Variants in UTP18 observed in about 807,000 individuals in gnomAD.
UTP18 encodes the protein U3 small nucleolar RNA-associated protein 18 homolog.
In UTP18, 36 loss-of-function variants were observed where a neutral mutation model predicts 61.1. The ratio of observed to expected loss-of-function variants is 0.59; its 90% CI spans 0.45 to 0.78. UTP18 has a LOEUF of 0.78. Ranked by LOEUF, UTP18 falls within the 30% of genes least tolerant of loss-of-function variation. The pLI, the probability that UTP18 is intolerant of heterozygous loss-of-function variation, is 0.00. For synonymous variants in UTP18, 282 were observed against 251.1 expected (o/e 1.12, Z -1.16); for missense variants, 753 against 693.9 (o/e 1.09, Z -0.96).
At chr17:51,291,208 A>G (rs1289837930) in intron 11 of UTP18, among the ~76,000 whole-genome samples, 1 of 152,208 alleles carries the variant, frequency 6.6e-6, no homozygotes, top group Non-Finnish European at 1.5e-5. Flanking sequence ...TTGGATCTTT[A>G]TAGGCATTTT....
chr17:51,275,783 C>G, intron 5 of UTP18, 83 bp from the exon 6 acceptor site: 1 of 1,088,270 alleles, frequency 9.2e-7, no homozygotes, highest in Non-Finnish European at 1.2e-6. Context: ...TCATTATAAA[C>G]TGTAATGTCT....
At chr17:51,292,757 A>G (rs374575166) in intron 11 of UTP18, among the ~76,000 whole-genome samples, 2 of 152,344 alleles carry the variant, frequency 1.3e-5, no homozygotes, top group East Asian at 1.9e-4. Flanking sequence ...AAATTGGGTG[A>G]GGACCTGTCT....
At chr17:51,288,322 A>G (rs188217433) in intron 11 of UTP18, 119 bp downstream of exon 11, 1 of 1,016,142 alleles carries the variant, frequency 9.8e-7, no homozygotes, top group African/African-American at 1.6e-5. Context: ...CTTTTGATAT[A>G]GGAATTATTA....
rs983816872 is a variant in UTP18 at position 51,277,170 on chromosome 17, T to G, written c.878T>G (p.Leu293Trp). 2 of 1,614,074 alleles carry G rather than the reference T, an allele frequency of 1.2e-6. No homozygotes were observed. The highest frequency in any genetic ancestry group is 2.7e-5 in the African/African-American group (2 of 74,936). ...KTNPKIQSIY[L>W]ERFPIFKACF... ...AATCCTAAAATTCAGAGCATCTATT[T>G]GGAAAGGTTTCCAATCTTTAAGGCT... The change falls in exon 7 of 14, where the codon TTG (leucine) becomes TGG (tryptophan). Residue 293 changes from leucine to tryptophan, a missense_variant. Leu to Trp is a moderately conservative substitution (Grantham distance 61). Coordinates refer to ENST00000225298, the MANE Select transcript of UTP18 (RefSeq NM_016001.3).
rs1340648001 is a variant in UTP18 at position 51,281,580 on chromosome 17, G to A, written c.1204+1101G>A. ...GGTTGTGAGGGTTTAAGGAGGATTT[G>A]AGGGCAGGAGAGAAGTGGAGGTATC... On this transcript the variant is annotated intron_variant, in intron 9 of 13. Transcript: ENST00000225298. Among the ~76,000 whole-genome samples the A allele has an allele frequency of 3.9e-5, 6 of 152,146 alleles. No individual in the cohort carries two copies. The East Asian group carries it at 1.2e-3, about 29-fold the overall frequency.
chr17:51,284,158 G>T (rs953936524), intron 9 of UTP18, among the ~76,000 whole-genome samples: 6 of 152,164 alleles, frequency 3.9e-5, no homozygotes, highest in African/African-American at 1.4e-4. Context: ...GCTTACTCTA[G>T]CCTGGAACAT....
At chr17:51,264,102 T>C (rs2055535980) in intron 2 of UTP18, among the ~76,000 whole-genome samples, 1 of 151,796 alleles carries the variant, frequency 6.6e-6, no homozygotes, top group Admixed American at 6.6e-5. Context: ...AGTGGTGCGA[T>C]CTTGGTTCAC....
At chr17:51,281,571 G>A (rs1397532038) in intron 9 of UTP18, among the ~76,000 whole-genome samples, 2 of 152,168 alleles carry the variant, frequency 1.3e-5, no homozygotes, top group East Asian at 3.9e-4. Flanking sequence ...GAGGGTTTAA[G>A]GAGGATTTGA....
intron 10 of UTP18, chr17:51,286,427 CTTG>C (rs1168268927): frequency 2.2e-6 from 1 of 454,814 alleles, no homozygotes; most frequent in Non-Finnish European, 4.4e-6. Flanking sequence ...GTCAAGGGGT[CTTG>C]TTGTCCAGAA....
chr17:51,273,441 A>T lies in UTP18; in HGVS notation c.702A>T (p.Gly234=), dbSNP rs2318789. ...FISTSTSLPR[G]ILKMKNCQHA... is the part of the protein sequence containing the mutation. The stretch of plus-strand genomic sequence containing the variant: ...CCACATCAACTTCTCTTCCAAGAGG[A>T]ATCTTGAAGGTGAGAGTCAGTGAAG... Residue 234 remains glycine (G), a synonymous_variant, in exon 5 of 14, where the codon GGA becomes GGT. Transcript: ENST00000225298. 22 of 1,607,500 alleles carry T rather than the reference A, an allele frequency of 1.4e-5. No homozygotes were observed. The highest frequency in any genetic ancestry group is 1.7e-6 in the Non-Finnish European group (2 of 1,176,986).
chr17:51,295,180 C>T (rs1905335414), intron 12 of UTP18, among the ~76,000 whole-genome samples: 1 of 152,086 alleles, frequency 6.6e-6, no homozygotes. Flanking sequence ...GTTTCTTTTG[C>T]TGTGCAGAAA....
At chr17:51,277,081 A>G in intron 6 of UTP18, 49 bp from the exon 7 acceptor site, 2 of 1,575,516 alleles carry the variant, frequency 1.3e-6, no homozygotes, top group Middle Eastern at 3.4e-4. Flanking sequence ...CTACCAGGAT[A>G]CAGGGTCTGT....
chr17:51,270,166 C>T (rs1904478722), intron 4 of UTP18, among the ~76,000 whole-genome samples: 1 of 152,080 alleles, frequency 6.6e-6, no homozygotes, highest in Non-Finnish European at 1.5e-5. Flanking sequence ...TGTTTTTTCC[C>T]CTTCTTCCCT....
chr17:51,280,838 T>C (rs748489126), intron 9 of UTP18, among the ~76,000 whole-genome samples: 1 of 151,160 alleles, frequency 6.6e-6, no homozygotes, highest in African/African-American at 2.4e-5. Context: ...TTTTTAGCCA[T>C]CTATCCTGGG....
At chr17:51,285,461 CTCTTTAT>C (rs1370225044) in intron 10 of UTP18, 93 bp downstream of exon 10, 3 of 1,446,122 alleles carry the variant, frequency 2.1e-6, no homozygotes, top group Non-Finnish European at 2.8e-6. Flanking sequence ...ATGAGTAGTT[CTCTTTAT>C]AAACTATTCA....
At chr17:51,287,914 CTT>C in intron 10 of UTP18, 113 bp from the exon 11 acceptor site, 1 of 787,406 alleles carries the variant, frequency 1.3e-6, no homozygotes, top group Non-Finnish European at 1.8e-6. Flanking sequence ...TAGCTGGTCT[CTT>C]TGTAACATGA....
chr17:51,281,314 G>A (rs1364828641), intron 9 of UTP18, among the ~76,000 whole-genome samples: 1 of 151,800 alleles, frequency 6.6e-6, no homozygotes, highest in Non-Finnish European at 1.5e-5. Context: ...TAACATGTTT[G>A]GGGAAAGAAT....
chr17:51,269,031 C>T (rs568128902), intron 4 of UTP18, 127 bp downstream of exon 4: 332 of 886,910 alleles, frequency 3.7e-4, no homozygotes, highest in Non-Finnish European at 3.8e-4. Context: ...TCACGCCTGT[C>T]ATCCCAGTGC....
chr17:51,284,655 T>G (rs555150376), intron 9 of UTP18, among the ~76,000 whole-genome samples: 4 of 152,350 alleles, frequency 2.6e-5, no homozygotes, highest in Admixed American at 6.5e-5. Context: ...AAGCTTTTTC[T>G]AAAAGTTCAA....
Sources: gnomAD v4.1 joint callset for allele counts (sites outside exome capture counted in the v4.1 genomes callset) on GRCh38, gnomAD v4.1.1 for gene constraint, MANE v1.5 for transcripts, NCBI Gene and HGNC (gene_info 2026-07-23, HGNC 2026-07-21) for gene names.